NDUFAF6: variants seen among roughly 807,000 people sequenced by gnomAD.
NDUFAF6 encodes NADH:ubiquinone oxidoreductase complex assembly factor 6, also known as NADH dehydrogenase (ubiquinone) complex I, assembly factor 6.
NDUFAF6 carries 45 observed loss-of-function variants against 40.8 expected under a neutral mutation model. The ratio of observed to expected loss-of-function variants is 1.10; its 90% CI spans 0.87 to 1.42. The LOEUF (loss-of-function observed/expected upper bound fraction) is 1.42, where lower values mean the gene tolerates loss of function less well. Ranked by LOEUF, NDUFAF6 falls within the 40% of genes most tolerant of loss-of-function variation. The pLI is 0.00. For missense variants in NDUFAF6, 435 were observed against 418.5 expected, an observed-to-expected ratio of 1.04 and a Z score of -0.34; for synonymous variants, 185 against 155.9, an observed-to-expected ratio of 1.19 and a Z score of -1.39.
chr8:95,059,810 C>T (rs958010432), downstream of NDUFAF6, among the ~76,000 whole-genome samples: 5 of 151,958 alleles, frequency 3.3e-5, no homozygotes, highest in Admixed American at 2.6e-4. Flanking sequence ...GATCGTGCCA[C>T]TGCACTCAAG....
chr8:94,969,387 G>A (rs578163479), intron 1 of NDUFAF6, among the ~76,000 whole-genome samples: 76 of 152,320 alleles, frequency 5.0e-4, no homozygotes, highest in African/African-American at 1.8e-3. Flanking sequence ...GTCAAGTGGT[G>A]CCACTGGATT....
intron 1 of NDUFAF6, among the ~76,000 whole-genome samples, chr8:94,923,505 A>G (rs756308758): frequency 6.6e-6 from 1 of 152,086 alleles, no homozygotes; most frequent in African/African-American, 2.4e-5. Flanking sequence ...CCACTAACCT[A>G]TTCCACTTCC....
At chr8:95,040,771 C>T (rs189889761) in intron 3 of NDUFAF6, 2 of 152,304 alleles carry the variant, frequency 1.3e-5, no homozygotes, top group East Asian at 1.9e-4. Flanking sequence ...GACACGCTTC[C>T]GTCATTTTTT....
intron 1 of NDUFAF6, among the ~76,000 whole-genome samples, chr8:95,031,006 T>C (rs773619790): frequency 6.6e-6 from 1 of 152,212 alleles, no homozygotes; most frequent in Non-Finnish European, 1.5e-5. Context: ...TACACTCACT[T>C]ATCCCCAAGG....
chr8:95,091,548 C>A (rs1809253262), intron 2 of NDUFAF6, among the ~76,000 whole-genome samples: 1 of 151,986 alleles, frequency 6.6e-6, no homozygotes, highest in Non-Finnish European at 1.5e-5. Flanking sequence ...GATGTTCATG[C>A]TGAAGCTCTT....
chr8:95,068,666 A>G (rs1832758477), intron 9 of NDUFAF6: 1 of 151,902 alleles, frequency 6.6e-6, no homozygotes, highest in Non-Finnish European at 1.5e-5. Flanking sequence ...AAGGAGTGAG[A>G]GGGCGCTTCC....
intron 2 of NDUFAF6, among the ~76,000 whole-genome samples, chr8:95,015,412 C>T (rs1445173090): frequency 6.6e-6 from 1 of 152,146 alleles, no homozygotes; most frequent in Non-Finnish European, 1.5e-5. Flanking sequence ...CTTCATGGAA[C>T]AAAATATGAC....
chr8:94,909,348 CAAAAAAAAAAAAAAAA>C (rs556065794), intron 1 of NDUFAF6, among the ~76,000 whole-genome samples: 3,489 of 91,716 alleles, frequency 0.038, 82 homozygotes, highest in Non-Finnish European at 0.045. Flanking sequence ...GACTCCGTCT[CAAAAAAAAAAAAAAAA>C]AAAAAAAAAA....
At chr8:95,000,164 C>T (rs1383500611) in intron 2 of NDUFAF6, among the ~76,000 whole-genome samples, 1 of 152,048 alleles carries the variant, frequency 6.6e-6, no homozygotes, top group African/African-American at 2.4e-5. Context: ...TGCCAAAACC[C>T]CATCTCTACA....
intron 1 of NDUFAF6, chr8:94,925,962 C>G (rs927648895): frequency 6.6e-6 from 1 of 152,598 alleles, no homozygotes; most frequent in African/African-American, 2.4e-5. Flanking sequence ...ATAAAAGAAT[C>G]TGACAAGTGT....
At chr8:94,923,718 C>T (rs758949883) in intron 1 of NDUFAF6, among the ~76,000 whole-genome samples, 9 of 148,056 alleles carry the variant, frequency 6.1e-5, no homozygotes, top group East Asian at 5.9e-4. Context: ...CTCGCTCTGT[C>T]GCCCAGTCTG....
At chr8:94,940,044 A>G (rs767999286) in intron 1 of NDUFAF6, 14 of 1,614,170 alleles carry the variant, frequency 8.7e-6, no homozygotes, top group Non-Finnish European at 1.1e-5. Context: ...GGGGTGATAA[A>G]CCAGCTCTCC....
chr8:95,092,388 G>T (rs964455272), intron 2 of NDUFAF6, among the ~76,000 whole-genome samples: 7 of 151,542 alleles, frequency 4.6e-5, no homozygotes, highest in African/African-American at 1.7e-4. Flanking sequence ...CACCATGTTG[G>T]ACAGGCTGGC....
rs113153433 is a variant in NDUFAF6, at chr8:95,083,973, A to T, written n.213+8221A>T. ...CCTGACTTTTATCCATGCATCTTAG[A>T]TTAAGGACTTCTGTTGTAGATAAAA... On this transcript the variant is annotated intron_variant and non_coding_transcript_variant, in intron 2 of 5. Coordinates refer to the NDUFAF6 transcript ENST00000523184. 5.8e-3 allele frequency among the ~76,000 whole-genome samples: 884 copies of T among 152,336 alleles called. 10 individuals are homozygous for T. Among genetic ancestry groups the T allele is most frequent in the African/African-American group, 0.02 (847 of 41,592 alleles).
intron 1 of NDUFAF6, among the ~76,000 whole-genome samples, chr8:94,917,611 A>C (rs534939300): frequency 8.5e-5 from 13 of 152,334 alleles, no homozygotes; most frequent in African/African-American, 2.9e-4. Context: ...ACCACAAAGA[A>C]TCTCTCAGTC....
At chr8:95,077,598 A>G (rs897154647), downstream of NDUFAF6, among the ~76,000 whole-genome samples, 1 of 152,226 alleles carries the variant, frequency 6.6e-6, no homozygotes, top group Non-Finnish European at 1.5e-5. Context: ...GTGATTTTCC[A>G]TTTAGTACTT....
intron 8 of NDUFAF6, 127 bp downstream of exon 8, chr8:95,052,357 T>C (rs1831533446): frequency 1.0e-6 from 1 of 1,000,134 alleles, no homozygotes; most frequent in African/African-American, 1.6e-5. Flanking sequence ...CCCTCCCTCA[T>C]GGCGGCTTTC....
At chr8:94,956,828 A>G (rs756193602), upstream of NDUFAF6, among the ~76,000 whole-genome samples, 1 of 152,178 alleles carries the variant, frequency 6.6e-6, no homozygotes, top group African/African-American at 2.4e-5. Flanking sequence ...AAGAGAATCA[A>G]GGATGGTGCT....
chr8:95,065,549 T>G (rs953451607), intron 9 of NDUFAF6, among the ~76,000 whole-genome samples: 1 of 152,200 alleles, frequency 6.6e-6, no homozygotes, highest in Non-Finnish European at 1.5e-5. Context: ...TAGAAAAATA[T>G]TCTTAATTTT....
Sources: gnomAD v4.1 joint callset for allele counts (sites outside exome capture counted in the v4.1 genomes callset) on GRCh38, gnomAD v4.1.1 for gene constraint, MANE v1.5 for transcripts, NCBI Gene and HGNC (gene_info 2026-07-23, HGNC 2026-07-21) for gene names.